The following MAP2K5 variants were observed in gnomAD, a reference collection of about 807,000 sequenced individuals.
The protein encoded by MAP2K5 is dual specificity mitogen-activated protein kinase kinase 5.
MAP2K5 carries 49 observed loss-of-function variants against 83.1 expected under a neutral mutation model. The observed-to-expected ratio is 0.59, with a 90% CI of 0.47 to 0.75. The LOEUF (loss-of-function observed/expected upper bound fraction) is 0.75, where lower values mean the gene tolerates loss of function less well. Ranked by LOEUF, MAP2K5 falls within the 30% of genes least tolerant of loss-of-function variation. The pLI is 0.00. For synonymous variants in MAP2K5, 202 were observed against 191.8 expected (o/e 1.05, Z -0.44); for missense variants, 457 against 557.5 (o/e 0.82, Z 1.82).
chr15:67,642,270 C>T, intron 9 of MAP2K5: 1 of 494,932 alleles, frequency 2.0e-6, no homozygotes. Context: ...GTTGTAAAGA[C>T]TTGAGTTAAA....
intron 19 of MAP2K5, among the ~76,000 whole-genome samples, chr15:67,756,514 A>T (rs954050767): frequency 1.0e-4 from 10 of 97,924 alleles, no homozygotes; most frequent in South Asian, 3.9e-4. Flanking sequence ...ACACACAGTT[A>T]CTGTGTGTGT....
At chr15:67,648,555 G>T (rs963248010) in intron 11 of MAP2K5, among the ~76,000 whole-genome samples, 1 of 145,730 alleles carries the variant, frequency 6.9e-6, no homozygotes, top group Non-Finnish European at 1.5e-5. Context: ...ACAAGTTTTT[G>T]TGTGGACATA....
chr15:67,611,786 C>G (rs1280455261), intron 8 of MAP2K5, among the ~76,000 whole-genome samples: 1 of 152,154 alleles, frequency 6.6e-6, no homozygotes, highest in Non-Finnish European at 1.5e-5. Context: ...TACATTTTGG[C>G]TCTAAGAGGA....
At chr15:67,705,253 T>C (rs2088521085) in intron 16 of MAP2K5, among the ~76,000 whole-genome samples, 1 of 152,222 alleles carries the variant, frequency 6.6e-6, no homozygotes, top group Non-Finnish European at 1.5e-5. Flanking sequence ...CATTTATGCA[T>C]TCATGTGTTG....
chr15:67,644,491 AT>A lies in MAP2K5; in HGVS notation c.586-1739del, dbSNP rs771721940. Among the ~76,000 whole-genome samples, 1 of 152,212 alleles carries A rather than the reference AT, an allele frequency of 6.6e-6. No individual in the cohort carries two copies. The highest frequency in any genetic ancestry group is 1.5e-5 in the Non-Finnish European group (1 of 68,036). On this transcript the variant is annotated intron_variant, in intron 9 of 21. Coordinates refer to ENST00000178640, the MANE Select transcript of MAP2K5 (RefSeq NM_145160.3). The surrounding 1 kb of genome is among the most constrained non-coding windows in gnomAD (Gnocchi z 4.6). ...CAGTATGGTCTTCTTTCTTAAAAAAATATGTGTTTGAAATAAACTAGAATTT... is the reference window on the plus strand; with the variant it reads ...CAGTATGGTCTTCTTTCTTAAAAAAAATGTGTTTGAAATAAACTAGAATTT...
At chr15:67,564,896 T>C (rs1014049405) in intron 3 of MAP2K5, among the ~76,000 whole-genome samples, 2 of 152,248 alleles carry the variant, frequency 1.3e-5, no homozygotes, top group Non-Finnish European at 2.9e-5. Context: ...TTGGGTATGA[T>C]CTTACAAATT....
intron 8 of MAP2K5, among the ~76,000 whole-genome samples, chr15:67,620,639 C>T (rs12441823): frequency 0.23 from 34,604 of 151,410 alleles, 4,925 homozygotes; most frequent in East Asian, 0.5. Context: ...TATAAGACAA[C>T]GATAGTAATA....
At chr15:67,624,964 A>G (rs1344258731) in intron 8 of MAP2K5, among the ~76,000 whole-genome samples, 1 of 152,176 alleles carries the variant, frequency 6.6e-6, no homozygotes, top group African/African-American at 2.4e-5. Flanking sequence ...AGGTCCTAAA[A>G]TATGCATATT....
intron 16 of MAP2K5, among the ~76,000 whole-genome samples, chr15:67,703,959 A>G (rs1261027531): frequency 6.6e-6 from 1 of 152,182 alleles, no homozygotes. Context: ...GGGTGGTGTG[A>G]TATGATGGAG....
At chr15:67,701,133 A>ATGT (rs1877169194) in intron 15 of MAP2K5, among the ~76,000 whole-genome samples, 2 of 152,030 alleles carry the variant, frequency 1.3e-5, no homozygotes, top group Non-Finnish European at 2.9e-5. Context: ...AATCAGTAGA[A>ATGT]TGAAGAAATG....
intron 13 of MAP2K5, among the ~76,000 whole-genome samples, chr15:67,674,629 C>T (rs376559323): frequency 3.3e-5 from 5 of 152,082 alleles, no homozygotes; most frequent in Admixed American, 1.3e-4. Flanking sequence ...CTTGGGTGAT[C>T]ACAGGGTATT....
intron 8 of MAP2K5, among the ~76,000 whole-genome samples, chr15:67,604,303 G>A (rs2085730038): frequency 6.6e-6 from 1 of 152,262 alleles, no homozygotes; most frequent in Non-Finnish European, 1.5e-5. Context: ...CCAAGCCTAG[G>A]AAGAAGAAAA....
intron 13 of MAP2K5, among the ~76,000 whole-genome samples, chr15:67,678,911 G>A (rs1420078147): frequency 7.0e-6 from 1 of 143,794 alleles, no homozygotes; most frequent in Non-Finnish European, 1.5e-5. Flanking sequence ...TTGCAGTGAG[G>A]TGAGATCGTG....
At chr15:67,621,103 G>C (rs2141066067) in intron 8 of MAP2K5, among the ~76,000 whole-genome samples, 1 of 152,180 alleles carries the variant, frequency 6.6e-6, no homozygotes, top group Admixed American at 6.5e-5. Flanking sequence ...GAAAAGGGTA[G>C]GGGAAGATAC....
At chr15:67,805,461 C>T (rs541753399) in intron 21 of MAP2K5, among the ~76,000 whole-genome samples, 23 of 152,334 alleles carry the variant, frequency 1.5e-4, no homozygotes, top group Non-Finnish European at 2.5e-4. Context: ...GAGCTCGTGG[C>T]GAGGCCATGC....
chr15:67,651,649 TAAAATAA>T lies in MAP2K5; in HGVS notation c.736+5181_736+5187del, dbSNP rs528109174. 3.9e-4 allele frequency among the ~76,000 whole-genome samples: 60 copies of T among 152,386 alleles called. No individual in the cohort carries two copies. In the East Asian group the frequency reaches 9.4e-3, roughly 24 times the overall value. ...CTTTCTGTGTCCAGATTATTTCATT[TAAAATAA>T]TATCCACCCATATTCTTGCAAATAA... On this transcript the variant is annotated intron_variant, in intron 11 of 21. Coordinates refer to ENST00000178640, the MANE Select transcript of MAP2K5 (RefSeq NM_145160.3).
intron 13 of MAP2K5, among the ~76,000 whole-genome samples, chr15:67,682,497 A>G (rs961264754): frequency 2.0e-5 from 3 of 147,340 alleles, no homozygotes; most frequent in Non-Finnish European, 3.0e-5. Context: ...TGCTGGGATT[A>G]CAGGTGTGAG....
At chr15:67,615,723 T>C (rs1431485028) in intron 8 of MAP2K5, among the ~76,000 whole-genome samples, 4 of 149,718 alleles carry the variant, frequency 2.7e-5, no homozygotes, top group Non-Finnish European at 5.9e-5. Flanking sequence ...ATATTTTTCA[T>C]TAGCTGAACC....
intron 16 of MAP2K5, chr15:67,718,079 G>A (rs1008437975): frequency 6.6e-6 from 1 of 152,236 alleles, no homozygotes; most frequent in Non-Finnish European, 1.5e-5. Context: ...TAGATTTGGA[G>A]GGCAGTGTTC....
Sources: gnomAD v4.1 joint callset for allele counts (sites outside exome capture counted in the v4.1 genomes callset) on GRCh38, gnomAD v4.1.1 for gene constraint, Gnocchi (gnomAD v3.1) non-coding constraint, MANE v1.5 for transcripts, NCBI Gene and HGNC (gene_info 2026-07-23, HGNC 2026-07-21) for gene names.